Variants in TENM4 observed in about 807,000 individuals in gnomAD.
TENM4 encodes the protein teneurin-4.
Under a neutral mutation model 243.3 loss-of-function variants are expected in TENM4, and 82 were observed. The observed-to-expected ratio is 0.34, with a 90% confidence interval of 0.28 to 0.40. TENM4 has a LOEUF of 0.40. TENM4 is among the 10% of genes least tolerant of loss of function. TENM4 has a pLI of 1.00. For missense variants in TENM4, 3,138 were observed against 3,673.3 expected (o/e 0.85, Z 3.77); for synonymous variants, 1,412 against 1,456.3 (o/e 0.97, Z 0.69).
At chr11:78,667,550 T>A (rs1011979666) in intron 32 of TENM4, among the ~76,000 whole-genome samples, 9 of 151,964 alleles carry the variant, frequency 5.9e-5, no homozygotes, top group African/African-American at 2.2e-4. Context: ...TGTGAAGACT[T>A]CCCAGAATGC....
At chr11:79,416,510 G>T (rs1365248148) in intron 1 of TENM4, among the ~76,000 whole-genome samples, 1 of 152,044 alleles carries the variant, frequency 6.6e-6, no homozygotes, top group Non-Finnish European at 1.5e-5. Flanking sequence ...TTTGACAAAA[G>T]AAACTCTTCA....
At chr11:79,431,204 A>G (rs1334583887) in intron 1 of TENM4, among the ~76,000 whole-genome samples, 1 of 152,218 alleles carries the variant, frequency 6.6e-6, no homozygotes, top group African/African-American at 2.4e-5. Flanking sequence ...ACTTTTAAAA[A>G]TACTTTTGGG....
At chr11:79,338,405 C>G (rs974662051) in intron 1 of TENM4, among the ~76,000 whole-genome samples, 6 of 152,236 alleles carry the variant, frequency 3.9e-5, no homozygotes, top group African/African-American at 1.4e-4. Context: ...AGCAGACCAT[C>G]TAATCCTTGA....
chr11:78,701,497 T>A, intron 28 of TENM4, 29 bp downstream of exon 28: 1 of 1,531,158 alleles, frequency 6.5e-7, no homozygotes, highest in Admixed American at 2.0e-5. Context: ...TGAAACAAAA[T>A]CATCAAATGG....
intron 27 of TENM4, among the ~76,000 whole-genome samples, chr11:78,703,342 C>T (rs61224481): frequency 0.019 from 2,863 of 152,224 alleles, 91 homozygotes; most frequent in African/African-American, 0.065. Context: ...AATCCCCAGG[C>T]GATTTCTGTG....
intron 14 of TENM4, 141 bp downstream of exon 14, chr11:78,811,981 G>A: frequency 2.0e-6 from 2 of 989,568 alleles, no homozygotes; most frequent in Non-Finnish European, 2.9e-6. Context: ...TACTGTTGCT[G>A]GTGGGTGGGC....
At chr11:78,865,444 C>T (rs1395793592) in intron 9 of TENM4, among the ~76,000 whole-genome samples, 1 of 152,124 alleles carries the variant, frequency 6.6e-6, no homozygotes, top group Non-Finnish European at 1.5e-5. Flanking sequence ...TCAGGGTGGG[C>T]GTTACAAAGA....
At chr11:78,924,575 G>A (rs1050957539) in intron 6 of TENM4, 4 of 152,154 alleles carry the variant, frequency 2.6e-5, no homozygotes, top group Admixed American at 2.0e-4. Context: ...CACTGTATTA[G>A]ACTGTAGTGA....
chr11:78,928,426 T>C (rs1287312516), intron 6 of TENM4, among the ~76,000 whole-genome samples: 2 of 152,194 alleles, frequency 1.3e-5, no homozygotes, highest in Admixed American at 1.3e-4. Flanking sequence ...CAACTCTCAA[T>C]ATTTAAGTGT....
At chr11:79,123,178 T>G (rs1861778983) in intron 4 of TENM4, among the ~76,000 whole-genome samples, 1 of 152,214 alleles carries the variant, frequency 6.6e-6, no homozygotes, top group African/African-American at 2.4e-5. Context: ...GACTGTCTCA[T>G]GTATCTTATG....
chr11:79,300,905 C>G (rs1856539733), intron 1 of TENM4, among the ~76,000 whole-genome samples: 1 of 152,176 alleles, frequency 6.6e-6, no homozygotes, highest in Admixed American at 6.5e-5. Flanking sequence ...CTGTTTCCTA[C>G]CAGAAATCTG....
intron 4 of TENM4, among the ~76,000 whole-genome samples, chr11:79,102,862 T>C (rs904192512): frequency 2.6e-5 from 4 of 152,234 alleles, no homozygotes; most frequent in African/African-American, 7.2e-5. Flanking sequence ...GATGTTCTTA[T>C]GGATTTTTTT....
At chr11:79,346,991 A>G (rs989366312) in intron 1 of TENM4, among the ~76,000 whole-genome samples, 1 of 152,110 alleles carries the variant, frequency 6.6e-6, no homozygotes, top group Non-Finnish European at 1.5e-5. Context: ...CTCCATTACC[A>G]CACAGGTCCC....
At chr11:78,806,875 G>A (rs1275610281) in intron 14 of TENM4, among the ~76,000 whole-genome samples, 1 of 151,988 alleles carries the variant, frequency 6.6e-6, no homozygotes, top group African/African-American at 2.4e-5. Flanking sequence ...CTCAGCCCTC[G>A]ACAACCACCA....
chr11:79,263,073 G>A (rs983072449), intron 2 of TENM4, among the ~76,000 whole-genome samples: 3 of 152,156 alleles, frequency 2.0e-5, no homozygotes, highest in Non-Finnish European at 4.4e-5. Context: ...TGGCCAGAAC[G>A]CAGACCTCAT....
intron 1 of TENM4, among the ~76,000 whole-genome samples, chr11:79,373,110 A>G (rs1245501405): frequency 6.6e-6 from 1 of 152,220 alleles, no homozygotes; most frequent in Non-Finnish European, 1.5e-5. Context: ...AAAGAAAAAG[A>G]ATCTTGTCTT....
At chr11:78,884,124 C>T (rs946363922) in intron 9 of TENM4, among the ~76,000 whole-genome samples, 1 of 152,208 alleles carries the variant, frequency 6.6e-6, no homozygotes, top group Non-Finnish European at 1.5e-5. Context: ...CACCCCAACC[C>T]TGTGAAGTAA....
chr11:79,209,447 T>A (rs1033033689), intron 3 of TENM4, among the ~76,000 whole-genome samples: 1 of 152,202 alleles, frequency 6.6e-6, no homozygotes, highest in African/African-American at 2.4e-5. Flanking sequence ...CCCAGCACAA[T>A]CTGTGGCACC....
intron 6 of TENM4, among the ~76,000 whole-genome samples, chr11:79,047,944 TTAATA>T (rs1383300580): frequency 1.4e-4 from 21 of 152,306 alleles, no homozygotes; most frequent in African/African-American, 5.1e-4. Context: ...GAGCACTTAA[TTAATA>T]TAATAACACC....
Sources: gnomAD v4.1 joint callset for allele counts (sites outside exome capture counted in the v4.1 genomes callset) on GRCh38, gnomAD v4.1.1 for gene constraint, MANE v1.5 for transcripts, NCBI Gene and HGNC (gene_info 2026-07-23, HGNC 2026-07-21) for gene names.